The following PDE9A variants were observed in gnomAD, a reference collection of about 807,000 sequenced individuals.
PDE9A encodes the protein phosphodiesterase 9A, also known as high affinity cGMP-specific 3',5'-cyclic phosphodiesterase 9A.
PDE9A carries 60 observed loss-of-function variants against 87.4 expected under a neutral mutation model. That is an observed-to-expected ratio of 0.69 (90% CI 0.56 to 0.85). PDE9A has a LOEUF of 0.85. PDE9A is among the 40% of genes least tolerant of loss of function. PDE9A has a pLI of 0.00. For synonymous variants in PDE9A, 272 were observed against 279.4 expected, an observed-to-expected ratio of 0.97 and a Z score of 0.27; for missense variants, 665 against 779.0, an observed-to-expected ratio of 0.85 and a Z score of 1.74.
intron 14 of PDE9A, among the ~76,000 whole-genome samples, chr21:42,763,809 A>T (rs1257447774): frequency 6.6e-6 from 1 of 152,224 alleles, no homozygotes; most frequent in Non-Finnish European, 1.5e-5. Flanking sequence ...GCCTCCCTTT[A>T]TCAGAGAGCA....
intron 4 of PDE9A, among the ~76,000 whole-genome samples, chr21:42,708,789 C>G (rs2049051384): frequency 6.6e-6 from 1 of 152,160 alleles, no homozygotes; most frequent in African/African-American, 2.4e-5. Context: ...CTCCTGACCT[C>G]AGGTGATCCA....
intron 4 of PDE9A, among the ~76,000 whole-genome samples, chr21:42,730,410 G>A (rs955008519): frequency 6.6e-6 from 1 of 152,082 alleles, no homozygotes; most frequent in Non-Finnish European, 1.5e-5. Flanking sequence ...ATGAGGTGTT[G>A]CGAAGTTAAA....
At chr21:42,750,240 C>T (rs552460491) in intron 8 of PDE9A, among the ~76,000 whole-genome samples, 1 of 152,266 alleles carries the variant, frequency 6.6e-6, no homozygotes, top group South Asian at 2.1e-4. Context: ...GCAGAAGGAT[C>T]GTTTGAACCT....
Position 42,770,732 on chromosome 21 carries a change from G to C in PDE9A, c.1620G>C (p.Leu540=). 6.2e-7 allele frequency: 1 copy of C among 1,614,018 alleles called. No individual in the cohort carries two copies. The highest frequency in any genetic ancestry group is 8.5e-7 in the Non-Finnish European group (1 of 1,179,866). Residue 540 remains leucine (L), a synonymous_variant, in exon 18 of 20, where the codon CTG becomes CTC. Transcript: ENST00000291539. ...TCCCCATGGTTGAGGAGATCATGCT[G>C]CAGCCACTTTGGGAATCCCGAGATC... The part of the protein sequence containing the change: ...KLFPMVEEIM[L]QPLWESRDRY...
chr21:42,690,348 TGATGCGGAAACGGATCTAGACAGC>T (rs1237980009), intron 3 of PDE9A, among the ~76,000 whole-genome samples: 12 of 150,756 alleles, frequency 8.0e-5, no homozygotes, highest in Non-Finnish European at 1.5e-4. Flanking sequence ...CGGGTACAGG[TGATGCGGAAACGGATCTAGACAGC>T]GATGTGGAAA....
intron 1 of PDE9A, among the ~76,000 whole-genome samples, chr21:42,664,258 C>T (rs1379288784): frequency 6.6e-6 from 1 of 152,224 alleles, no homozygotes; most frequent in Non-Finnish European, 1.5e-5. Flanking sequence ...TGCCTCACCT[C>T]GCAGCATGAC....
At chr21:42,668,467 A>G (rs2058159550) in intron 1 of PDE9A, among the ~76,000 whole-genome samples, 1 of 152,172 alleles carries the variant, frequency 6.6e-6, no homozygotes, top group South Asian at 2.1e-4. Flanking sequence ...TCCAGGAGTC[A>G]AGCAGATTGC....
intron 10 of PDE9A, among the ~76,000 whole-genome samples, chr21:42,755,578 C>T (rs1363844914): frequency 6.6e-6 from 1 of 152,124 alleles, no homozygotes; most frequent in East Asian, 1.9e-4. Flanking sequence ...TAGGTCAACG[C>T]ACAAAAGGAA....
chr21:42,655,070 TC>T (rs2056948705), intron 1 of PDE9A, among the ~76,000 whole-genome samples: 1 of 152,066 alleles, frequency 6.6e-6, no homozygotes, highest in African/African-American at 2.4e-5. Flanking sequence ...GGAGTGGCCC[TC>T]CCTTGAATAT....
At chr21:42,662,769 GACACACACCACAC>G (rs377009088) in intron 1 of PDE9A, among the ~76,000 whole-genome samples, 6,969 of 82,244 alleles carry the variant, frequency 0.085, 456 homozygotes, top group African/African-American at 0.25. Flanking sequence ...CACACACAAG[GACACACACCACAC>G]ACACACACCA....
chr21:42,693,001 T>C (rs2269142), intron 3 of PDE9A, among the ~76,000 whole-genome samples: 78,967 of 152,034 alleles, frequency 0.52, 21,260 homozygotes, highest in African/African-American at 0.66. Flanking sequence ...TTTGCTGACT[T>C]TCTTGCTGTG....
intron 10 of PDE9A, among the ~76,000 whole-genome samples, chr21:42,755,240 G>A (rs1352799535): frequency 6.6e-6 from 1 of 152,272 alleles, no homozygotes; most frequent in Non-Finnish European, 1.5e-5. Context: ...TCTGCAAAGG[G>A]CAGAAAGTGG....
At chr21:42,670,158 C>G (rs1278011490) in intron 1 of PDE9A, among the ~76,000 whole-genome samples, 1 of 101,558 alleles carries the variant, frequency 9.8e-6, no homozygotes, top group African/African-American at 2.9e-5. Context: ...CATTCACACG[C>G]ACACACATTC....
At chr21:42,681,652 T>C (rs535152205) in intron 1 of PDE9A, among the ~76,000 whole-genome samples, 4 of 152,102 alleles carry the variant, frequency 2.6e-5, no homozygotes, top group Non-Finnish European at 5.9e-5. Context: ...TCATCATTTG[T>C]TTCTCTCATC....
intron 8 of PDE9A, among the ~76,000 whole-genome samples, chr21:42,746,699 A>G (rs1297333926): frequency 6.6e-6 from 1 of 152,192 alleles, no homozygotes; most frequent in African/African-American, 2.4e-5. Flanking sequence ...ACGTGGGAGG[A>G]TAACACCGAT....
chr21:42,752,164 C>T (rs1442282457), intron 9 of PDE9A, among the ~76,000 whole-genome samples: 1 of 152,204 alleles, frequency 6.6e-6, no homozygotes, highest in African/African-American at 2.4e-5. Context: ...ATGGCAGAGC[C>T]TTCCACAGCC....
Position 42,680,118 on chromosome 21 carries a change from G to A in PDE9A, c.70-6074G>A, listed in dbSNP as rs535344333. On this transcript the variant is annotated intron_variant, in intron 1 of 19. Transcript: ENST00000291539. ...CCCTCTCACAGCCTCCGCTGCCCCC[G>A]GGCTCAGGGCCCCTGCCTGTGCCTT... is the stretch of plus-strand genomic sequence containing the variant. 1.2e-3 allele frequency among the ~76,000 whole-genome samples: 184 copies of A among 152,326 alleles called. 2 individuals are homozygous for A. The highest frequency in any genetic ancestry group is 4.0e-3 in the African/African-American group (168 of 41,586).
At position 42,760,553 on chromosome 21, in the gene PDE9A, C is replaced by A; in HGVS notation, c.1002+121C>A. 1 of 670,634 alleles carries A rather than the reference C, an allele frequency of 1.5e-6. No homozygotes were observed. The highest frequency in any genetic ancestry group is 2.6e-6 in the Non-Finnish European group (1 of 381,318). The allele number at this position is 670,634 out of a possible 1,614,324, so 41.5% of individuals were successfully genotyped here. ...CACAGGCGTGGGGTCCCCAGCCGCT[C>A]CGCCCCTCCTAGGGACGCACCCCTG... is the stretch of plus-strand genomic sequence containing the variant. On this transcript the variant is annotated intron_variant, in intron 12 of 19. Transcript: ENST00000291539. The surrounding 1 kb of genome is among the most constrained non-coding windows in gnomAD (Gnocchi z 5.2).
At chr21:42,770,554 G>C in intron 17 of PDE9A, 149 bp from the exon 18 acceptor site, 1 of 626,460 alleles carries the variant, frequency 1.6e-6, no homozygotes, top group Non-Finnish European at 2.9e-6. Context: ...GCCGCAGTGG[G>C]TGGAGGCAGC....
Sources: allele counts gnomAD v4.1 joint callset (sites outside exome capture counted in the v4.1 genomes callset), GRCh38; gene constraint gnomAD v4.1.1; non-coding constraint Gnocchi (gnomAD v3.1); transcripts MANE v1.5; gene names NCBI Gene and HGNC (gene_info 2026-07-23, HGNC 2026-07-21).